The following EMCN variants were observed in gnomAD, a reference collection of about 807,000 sequenced individuals.
EMCN encodes MUC-14.
Under a neutral mutation model 38.4 loss-of-function variants are expected in EMCN, and 37 were observed. The ratio of observed to expected loss-of-function variants is 0.96; its 90% CI spans 0.74 to 1.27. EMCN has a LOEUF of 1.27. EMCN is among the 50% of genes most tolerant of loss of function. The pLI, the probability that EMCN is intolerant of heterozygous loss-of-function variation, is 0.00. For missense variants in EMCN, 318 were observed against 302.8 expected (o/e 1.05, Z -0.37); for synonymous variants, 95 against 100.8 (o/e 0.94, Z 0.35).
At chr4:100,479,277 C>T (rs1728744244) in intron 2 of EMCN, among the ~76,000 whole-genome samples, 1 of 152,052 alleles carries the variant, frequency 6.6e-6, no homozygotes, top group Non-Finnish European at 1.5e-5. Context: ...ATCTGTTTTC[C>T]ATTGATTACA....
chr4:100,484,158 T>C (rs891278196), intron 1 of EMCN, among the ~76,000 whole-genome samples: 7 of 152,160 alleles, frequency 4.6e-5, no homozygotes, highest in Admixed American at 2.0e-4. Context: ...AATTCTATGA[T>C]AGATTTTTGC....
At chr4:100,460,403 A>G (rs1728146217) in intron 4 of EMCN, among the ~76,000 whole-genome samples, 1 of 152,162 alleles carries the variant, frequency 6.6e-6, no homozygotes, top group South Asian at 2.1e-4. Flanking sequence ...CACTTGTAAT[A>G]AAGACATACC....
intron 1 of EMCN, among the ~76,000 whole-genome samples, chr4:100,508,429 G>A (rs1729540430): frequency 6.6e-6 from 1 of 152,144 alleles, no homozygotes; most frequent in Non-Finnish European, 1.5e-5. Flanking sequence ...AATAGCATAT[G>A]TATTATGGGG....
intron 1 of EMCN, among the ~76,000 whole-genome samples, chr4:100,485,053 A>G (rs757075387): frequency 9.9e-5 from 15 of 152,268 alleles, no homozygotes; most frequent in Non-Finnish European, 1.5e-4. Context: ...CTTAAAGAAA[A>G]TGATTTCTTC....
At chr4:100,402,279 C>T (rs1726280296) in intron 11 of EMCN, among the ~76,000 whole-genome samples, 1 of 152,090 alleles carries the variant, frequency 6.6e-6, no homozygotes, top group African/African-American at 2.4e-5. Flanking sequence ...TATGAAGCAA[C>T]AAGCATTAAA....
intron 1 of EMCN, among the ~76,000 whole-genome samples, chr4:100,509,435 A>T (rs1222390469): frequency 1.3e-5 from 2 of 152,310 alleles, no homozygotes; most frequent in East Asian, 3.9e-4. Flanking sequence ...TCCCACTTTT[A>T]AAAACTGGGT....
chr4:100,414,653 C>T (rs4699800), intron 10 of EMCN, among the ~76,000 whole-genome samples: 137,233 of 152,120 alleles, frequency 0.9, 61,925 homozygotes, highest in South Asian at 0.96. Flanking sequence ...TCAGCTGTTC[C>T]TGCTCTTCAA....
intron 1 of EMCN, among the ~76,000 whole-genome samples, chr4:100,492,827 T>A (rs559897996): frequency 3.3e-5 from 5 of 152,180 alleles, no homozygotes; most frequent in South Asian, 2.1e-4. Context: ...GGTGGTGTAG[T>A]GTAGGGAGTA....
At chr4:100,503,322 TTTTGGCATAAGGC>T (rs1343851533) in intron 1 of EMCN, among the ~76,000 whole-genome samples, 1 of 152,112 alleles carries the variant, frequency 6.6e-6, no homozygotes, top group East Asian at 1.9e-4. Flanking sequence ...TTACATAAAT[TTTTGGCATAAGGC>T]TTTGGCATAA....
intron 4 of EMCN, among the ~76,000 whole-genome samples, chr4:100,454,858 T>A (rs1425815457): frequency 3.3e-5 from 5 of 152,182 alleles, no homozygotes; most frequent in African/African-American, 9.6e-5. Flanking sequence ...ATTATTGTAG[T>A]CCCTTCAACT....
At chr4:100,416,941 A>G (rs1663453639) in intron 9 of EMCN, among the ~76,000 whole-genome samples, 176 bp downstream of exon 9, 1 of 152,166 alleles carries the variant, frequency 6.6e-6, no homozygotes, top group South Asian at 2.1e-4. Flanking sequence ...AAGATTAAAC[A>G]TGATCTTACA....
At chr4:100,404,424 T>C (rs1726340411) in intron 11 of EMCN, among the ~76,000 whole-genome samples, 1 of 152,150 alleles carries the variant, frequency 6.6e-6, no homozygotes, top group Non-Finnish European at 1.5e-5. Context: ...TGTCTGTTTT[T>C]GTACCAGTAT....
At chr4:100,482,030 T>G (rs2110282954) in intron 1 of EMCN, among the ~76,000 whole-genome samples, 1 of 152,192 alleles carries the variant, frequency 6.6e-6, no homozygotes, top group East Asian at 1.9e-4. Flanking sequence ...AATAAAAGAC[T>G]CTATGATTTA....
At chr4:100,504,769 A>T (rs1033977377) in intron 1 of EMCN, among the ~76,000 whole-genome samples, 17 of 152,224 alleles carry the variant, frequency 1.1e-4, no homozygotes, top group Admixed American at 2.6e-4. Context: ...GCTACTTAGC[A>T]GACTGAGAAA....
intron 2 of EMCN, among the ~76,000 whole-genome samples, chr4:100,478,687 A>C (rs528780823): frequency 1.3e-5 from 2 of 152,304 alleles, no homozygotes; most frequent in Admixed American, 1.3e-4. Context: ...ATAGCTGTCT[A>C]TTTTTATAAT....
chr4:100,459,180 T>G (rs1257750555), intron 4 of EMCN, among the ~76,000 whole-genome samples: 5 of 1,772 alleles, frequency 2.8e-3, no homozygotes, highest in African/African-American at 0.011. Flanking sequence ...TCTCTCTCTC[T>G]CTCTCTCTCT....
intron 4 of EMCN, among the ~76,000 whole-genome samples, chr4:100,452,169 C>T (rs1046618179): frequency 3.9e-5 from 6 of 151,914 alleles, no homozygotes; most frequent in Non-Finnish European, 5.9e-5. Context: ...CAGCTAGTAG[C>T]TTATCTAAAA....
At chr4:100,491,983 G>A (rs75696289) in intron 1 of EMCN, among the ~76,000 whole-genome samples, 12,570 of 152,224 alleles carry the variant, frequency 0.083, 736 homozygotes, top group South Asian at 0.14. Flanking sequence ...GCAAGGATAC[G>A]AGGATTACAA....
chr4:100,511,684 A>G (rs1456741409), intron 1 of EMCN, among the ~76,000 whole-genome samples: 1 of 152,216 alleles, frequency 6.6e-6, no homozygotes, highest in African/African-American at 2.4e-5. Context: ...AGGGTAGTAC[A>G]TATTAATGAG....
Sources: gnomAD v4.1 joint callset for allele counts (sites outside exome capture counted in the v4.1 genomes callset) on GRCh38, gnomAD v4.1.1 for gene constraint, MANE v1.5 for transcripts, NCBI Gene and HGNC (gene_info 2026-07-23, HGNC 2026-07-21) for gene names.